BBS7: variants seen among roughly 807,000 people sequenced by gnomAD.
BBS7 encodes the protein Bardet-Biedl syndrome 7.
BBS7 carries 50 observed loss-of-function variants against 90.3 expected under a neutral mutation model. The ratio of observed to expected loss-of-function variants is 0.55; its 90% CI spans 0.44 to 0.70. The LOEUF (loss-of-function observed/expected upper bound fraction) is 0.70, where lower values mean the gene tolerates loss of function less well. Among genes scored for constraint, BBS7 ranks in the 30% least tolerant of loss-of-function variants. BBS7 has a pLI of 0.00. For missense variants in BBS7, 729 were observed against 838.9 expected (o/e 0.87, Z 1.62); for synonymous variants, 235 against 287.4 (o/e 0.82, Z 1.85).
At position 121,828,444 on chromosome 4, in the gene BBS7, C is replaced by A. The variant is rs751309863; in HGVS notation, c.1848G>T (p.Gln616His). The change falls in exon 17 of 19, where the codon CAG becomes CAT. Residue 616 changes from glutamine (Q) to histidine (H), a missense_variant. Gln to His is a conservative substitution (Grantham distance 24). Transcript: ENST00000264499. ...ACTGCACTTTCTTAGCCAAAAGCAA[C>A]TGGTACTCCAGCTTTGGGTGGATTA... ...LKLIHPKLEY[Q>H]LLLAKKVQLI... The A allele has an allele frequency of 6.2e-7, 1 of 1,613,952 alleles. No homozygotes were observed. Among genetic ancestry groups the A allele is most frequent in the South Asian group, 1.1e-5 (1 of 91,076 alleles).
chr4:121,841,297 G>A (rs1484588343), intron 12 of BBS7, among the ~76,000 whole-genome samples: 6 of 151,928 alleles, frequency 3.9e-5, no homozygotes, highest in Admixed American at 3.9e-4. Context: ...GCTCACACCT[G>A]TAATCCCAGC....
At chr4:121,842,887 T>G (rs1725815978) in intron 12 of BBS7, among the ~76,000 whole-genome samples, 1 of 152,130 alleles carries the variant, frequency 6.6e-6, no homozygotes, top group African/African-American at 2.4e-5. Flanking sequence ...AGTGATACAG[T>G]AAGCATGTCC....
intron 13 of BBS7, among the ~76,000 whole-genome samples, chr4:121,836,846 T>G (rs1725482761): frequency 6.6e-6 from 1 of 152,238 alleles, no homozygotes; most frequent in Admixed American, 6.6e-5. Flanking sequence ...TTTGCCAATC[T>G]GTTGGATAAG....
chr4:121,863,747 T>C (rs1727110317), intron 2 of BBS7, among the ~76,000 whole-genome samples: 1 of 152,200 alleles, frequency 6.6e-6, no homozygotes, highest in Non-Finnish European at 1.5e-5. Flanking sequence ...AACACCTTTT[T>C]TAAAAGAAAA....
At chr4:121,861,732 T>G in intron 3 of BBS7, 53 bp from the exon 4 acceptor site, 1 of 1,588,130 alleles carries the variant, frequency 6.3e-7, no homozygotes, top group Non-Finnish European at 8.6e-7. Context: ...TTGTGAGCAT[T>G]TTTTCCTTTA....
Position 121,835,215 on chromosome 4 carries a change from G to A in BBS7, c.1440C>T (p.Thr480=), listed in dbSNP as rs962928626. ...AYVTPRIQPK[T]CQVRQYHIKP... ...TGATGTGGTACTGGCGGACCTGACA[G>A]GTTTTGGGTTGAATTCTTGGAGTCA... The change falls in exon 14 of 19, where the codon ACC becomes ACT. Residue 480 remains threonine (T), a synonymous_variant. Transcript: ENST00000264499. 15 of 1,613,876 alleles carry A rather than the reference G, an allele frequency of 9.3e-6. No homozygotes were observed. Among genetic ancestry groups the A allele is most frequent in the Non-Finnish European group, 1.2e-5 (14 of 1,179,854 alleles).
At chr4:121,831,219 T>C (rs981972475) in intron 15 of BBS7, among the ~76,000 whole-genome samples, 1 of 151,248 alleles carries the variant, frequency 6.6e-6, no homozygotes, top group Non-Finnish European at 1.5e-5. Flanking sequence ...AAGAATAAAA[T>C]AAAAAATAAA....
chr4:121,827,566 T>C lies in BBS7; in HGVS notation c.2014+580A>G, dbSNP rs139858830. 2.6e-5 allele frequency among the ~76,000 whole-genome samples: 4 copies of C among 152,352 alleles called. No homozygotes were observed. In the East Asian group the frequency reaches 7.7e-4, roughly 29 times the overall value. On this transcript the variant is annotated intron_variant, in intron 18 of 18. Coordinates refer to ENST00000264499, the MANE Select transcript of BBS7 (RefSeq NM_176824.3). ...ATAGTGTGCTATATACAACAGGTCT[T>C]ATGTAAAGATTGCTAACAAAATTGT...
chr4:121,827,693 CAA>C (rs1251381725), intron 18 of BBS7: 1 of 783,572 alleles, frequency 1.3e-6, no homozygotes, highest in African/African-American at 1.9e-5. Context: ...TTCTCACCAC[CAA>C]AGTTTTGAAC....
chr4:121,844,005 T>C lies in BBS7; in HGVS notation c.1231-4A>G, dbSNP rs751574060. On this transcript the variant is annotated splice_region_variant and splice_polypyrimidine_tract_variant and intron_variant, in intron 11 of 18. Coordinates refer to ENST00000264499, the MANE Select transcript of BBS7 (RefSeq NM_176824.3). ...GTAAATCTATTGGAACATCACTCTA[T>C]AGTCAATATTAAAAAAAAAGAAGGT... is the stretch of plus-strand genomic sequence containing the variant. 6.4e-6 allele frequency: 10 copies of C among 1,561,504 alleles called. No homozygotes were observed. The highest frequency in any genetic ancestry group is 1.2e-5 in the South Asian group (1 of 85,878).
rs533545452 is a variant in BBS7 at position 121,863,350 on chromosome 4, A to T, written c.103-71T>A. On this transcript the variant is annotated intron_variant, in intron 2 of 18. Coordinates refer to ENST00000264499, the MANE Select transcript of BBS7 (RefSeq NM_176824.3). ...TGACCTAATAATTATATACAGGGAAAGCAAGATTCTTAATTTATAAATACT... is the reference window on the plus strand; with the variant it reads ...TGACCTAATAATTATATACAGGGAATGCAAGATTCTTAATTTATAAATACT... 1.1e-5 allele frequency: 15 copies of T among 1,308,424 alleles called. No individual in the cohort carries two copies. The Admixed American group carries it at 2.7e-4, about 23-fold the overall frequency. 81.1% of individuals were successfully genotyped at this position (1,308,424 alleles called of 1,614,324 possible). A position where few individuals can be genotyped will look rare whatever the true frequency, so the allele number is the denominator to read the frequency against.
At chr4:121,859,778 G>C (rs1037740668) in intron 4 of BBS7, among the ~76,000 whole-genome samples, 15 of 151,742 alleles carry the variant, frequency 9.9e-5, no homozygotes, top group African/African-American at 3.6e-4. Flanking sequence ...GAAAAAAAAA[G>C]ATTTCATTAG....
chr4:121,841,563 T>A (rs1450593926), intron 12 of BBS7, among the ~76,000 whole-genome samples: 1 of 151,568 alleles, frequency 6.6e-6, no homozygotes, highest in African/African-American at 2.4e-5. Context: ...AAGACCCCCA[T>A]CTTTTAAAAA....
At chr4:121,863,155 T>G (rs1727075028) in intron 3 of BBS7, 62 bp downstream of exon 3, 3 of 1,503,004 alleles carry the variant, frequency 2.0e-6, no homozygotes, top group Non-Finnish European at 2.8e-6. Context: ...CCTAGTATTA[T>G]TCAATAAATA....
rs537392695 is a variant in BBS7 at position 121,853,701 on chromosome 4, C to T, written c.719-615G>A. 2.0e-5 allele frequency among the ~76,000 whole-genome samples: 3 copies of T among 151,902 alleles called. No individual in the cohort carries two copies. The East Asian group carries it at 5.8e-4, about 29-fold the overall frequency. On this transcript the variant is annotated intron_variant, in intron 7 of 18. Transcript: ENST00000264499. ...CATGCTTCCAGTTTTGACCTGTTGC[C>T]CCCCGCCCCCTCCAATCCATTCTCC... is the stretch of plus-strand genomic sequence containing the variant.
rs1275186434 is a variant in BBS7 at position 121,848,883 on chromosome 4, T to C, written c.895A>G (p.Lys299Glu). 3 of 1,613,890 alleles carry C rather than the reference T, an allele frequency of 1.9e-6. No homozygotes were observed. The Admixed American group carries it at 5.0e-5, about 27-fold the overall frequency. Residue 299 changes from lysine to glutamate, a missense_variant, in exon 9 of 19, where the codon AAA (lysine) becomes GAA (glutamate). By Grantham distance (56) the Lys-to-Glu change is moderately conservative. Coordinates refer to ENST00000264499, the MANE Select transcript of BBS7 (RefSeq NM_176824.3). ...VTSIQGGCVG[K>E]DSYDEIVVST... ...ACCACGATTTCATCATAGCTGTCTTTTCCTACACAACCACCCTGGATAGAT... is the reference window on the plus strand; with the variant it reads ...ACCACGATTTCATCATAGCTGTCTTCTCCTACACAACCACCCTGGATAGAT...
At chr4:121,840,803 A>C (rs1042215656) in intron 12 of BBS7, among the ~76,000 whole-genome samples, 33 of 152,182 alleles carry the variant, frequency 2.2e-4, no homozygotes, top group African/African-American at 8.0e-4. Flanking sequence ...ATTTAAACTC[A>C]ACAGAGAGGA....
intron 1 of BBS7, 63 bp downstream of exon 1, chr4:121,870,215 A>G: frequency 6.2e-7 from 1 of 1,605,992 alleles, no homozygotes; most frequent in South Asian, 1.1e-5. Flanking sequence ...CAGTGGAAGG[A>G]AGGAATCCTC....
chr4:121,846,881 G>T (rs1325775327), intron 10 of BBS7, among the ~76,000 whole-genome samples: 1 of 152,170 alleles, frequency 6.6e-6, no homozygotes, highest in Non-Finnish European at 1.5e-5. Flanking sequence ...GTTGTATGAA[G>T]CACCTTTATT....
Sources: allele counts gnomAD v4.1 joint callset (sites outside exome capture counted in the v4.1 genomes callset), GRCh38; gene constraint gnomAD v4.1.1; transcripts MANE v1.5; gene names NCBI Gene and HGNC (gene_info 2026-07-23, HGNC 2026-07-21).